The following NAALADL2 variants were observed in gnomAD, a reference collection of about 807,000 sequenced individuals.
NAALADL2 encodes inactive N-acetylated-alpha-linked acidic dipeptidase-like protein 2.
NAALADL2 carries 76 observed loss-of-function variants against 87.2 expected under a neutral mutation model. That is an observed-to-expected ratio of 0.87 (90% CI 0.72 to 1.05). The LOEUF is 1.05. NAALADL2 is among the 50% of genes least tolerant of loss of function. The pLI, the probability that NAALADL2 is intolerant of heterozygous loss-of-function variation, is 0.00. For synonymous variants in NAALADL2, 354 were observed against 331.0 expected, an observed-to-expected ratio of 1.07 and a Z score of -0.75; for missense variants, 1,089 against 945.8, an observed-to-expected ratio of 1.15 and a Z score of -1.99.
intron 6 of NAALADL2, among the ~76,000 whole-genome samples, chr3:175,459,064 C>T (rs1291327325): frequency 1.3e-5 from 2 of 152,076 alleles, no homozygotes. Context: ...ATATACCATG[C>T]TGGACCACAG....
chr3:175,110,091 G>GT (rs1723924573), intron 2 of NAALADL2, among the ~76,000 whole-genome samples: 2 of 151,886 alleles, frequency 1.3e-5, no homozygotes, highest in Admixed American at 1.3e-4. Flanking sequence ...CAGTTATTGT[G>GT]TTTTGGGGCA....
intron 2 of NAALADL2, chr3:174,632,056 T>C (rs527595100): frequency 6.6e-6 from 1 of 152,334 alleles, no homozygotes; most frequent in Non-Finnish European, 1.5e-5. Context: ...TTCAAAGATA[T>C]AAATCTGTAG....
Position 174,610,796 on chromosome 3 carries a change from C to CTT in NAALADL2, c.-115+60159_-115+60160insTT, listed in dbSNP as rs1239241058. Reference sequence around the variant, plus strand: ...TGTAGAACTAGAAATACCATTTGACCCAGCCATCCCATTACTGGGTATATA... The same window carrying CTT: ...TGTAGAACTAGAAATACCATTTGACCTTCAGCCATCCCATTACTGGGTATATA... On this transcript the variant is annotated intron_variant, in intron 2 of 3. Coordinates refer to the NAALADL2 transcript ENST00000434257. Among the ~76,000 whole-genome samples the CTT allele has an allele frequency of 1.7e-4, 26 of 152,184 alleles. No homozygotes were observed. The East Asian group carries it at 4.3e-3, about 25-fold the overall frequency.
At chr3:175,752,599 C>T (rs1583113895) in intron 12 of NAALADL2, among the ~76,000 whole-genome samples, 2 of 152,242 alleles carry the variant, frequency 1.3e-5, no homozygotes, top group East Asian at 3.9e-4. Flanking sequence ...TTTGTAACCT[C>T]ATACACTTGA....
intron 2 of NAALADL2, among the ~76,000 whole-genome samples, chr3:174,613,599 G>A (rs1720156285): frequency 6.6e-6 from 1 of 152,162 alleles, no homozygotes; most frequent in South Asian, 2.1e-4. Flanking sequence ...CCAGGCTACT[G>A]CTGATGTTCC....
At chr3:174,887,492 A>G (rs965017256) in intron 1 of NAALADL2, among the ~76,000 whole-genome samples, 3 of 152,120 alleles carry the variant, frequency 2.0e-5, no homozygotes, top group African/African-American at 7.2e-5. Flanking sequence ...TGACATACTC[A>G]TCTATTAAGT....
In NAALADL2 at chr3:175,068,138, A is replaced by T. The variant is rs145815532; in HGVS notation, c.44-28652A>T. Among the ~76,000 whole-genome samples, 17 of 152,168 alleles carry T rather than the reference A, an allele frequency of 1.1e-4. No homozygotes were observed. The East Asian group carries it at 2.9e-3, about 26-fold the overall frequency. On this transcript the variant is annotated intron_variant, in intron 1 of 13. Transcript: ENST00000454872. ...AAGGCTGAAAAACTACCTTTTGGGT[A>T]CTGTGTTCACTACCTGGATGTTGGG... is the stretch of plus-strand genomic sequence containing the variant.
intron 1 of NAALADL2, among the ~76,000 whole-genome samples, chr3:174,513,150 C>G (rs1719716665): frequency 6.6e-6 from 1 of 151,894 alleles, no homozygotes; most frequent in Admixed American, 6.6e-5. Flanking sequence ...TTGGTAGAGA[C>G]AGGGTTCCTC....
At chr3:174,611,358 A>G (rs980543990) in intron 2 of NAALADL2, among the ~76,000 whole-genome samples, 5 of 152,178 alleles carry the variant, frequency 3.3e-5, no homozygotes, top group Non-Finnish European at 7.3e-5. Context: ...AAACTAATAC[A>G]CACTCTACAA....
chr3:174,850,026 G>T (rs1439744410), intron 3 of NAALADL2, among the ~76,000 whole-genome samples: 1 of 151,992 alleles, frequency 6.6e-6, no homozygotes, highest in African/African-American at 2.4e-5. Context: ...ATTGTTGCTT[G>T]TTAACATACA....
chr3:175,197,692 T>C (rs1421289205), intron 2 of NAALADL2, among the ~76,000 whole-genome samples: 2 of 151,942 alleles, frequency 1.3e-5, no homozygotes. Flanking sequence ...CTTATCAACA[T>C]CAGAAACATA....
At position 174,579,489 on chromosome 3, in the gene NAALADL2, A is replaced by C. The variant is rs1334762696; in HGVS notation, c.-115+28852A>C. On this transcript the variant is annotated intron_variant, in intron 2 of 3. Coordinates refer to the NAALADL2 transcript ENST00000434257. ...TATATTGTCTACTTCCATTTATTTG[A>C]AATTATAGAATGTGCAGAGCTAATC... 1.4e-4 allele frequency among the ~76,000 whole-genome samples: 21 copies of C among 152,176 alleles called. No homozygotes were observed. The East Asian group carries it at 3.9e-3, about 28-fold the overall frequency.
chr3:175,476,339 CCT>C (rs758173495), intron 9 of NAALADL2, among the ~76,000 whole-genome samples: 3 of 151,970 alleles, frequency 2.0e-5, no homozygotes, highest in African/African-American at 2.4e-5. Flanking sequence ...ATGAAATGCC[CCT>C]GTTGCCCAGG....
chr3:175,304,687 G>A (rs528544678), intron 4 of NAALADL2, among the ~76,000 whole-genome samples: 48 of 152,234 alleles, frequency 3.2e-4, no homozygotes, highest in African/African-American at 9.4e-4. Context: ...CTAGGGACAT[G>A]GTCAAACTAC....
intron 2 of NAALADL2, among the ~76,000 whole-genome samples, chr3:174,634,684 C>G (rs1390468885): frequency 6.6e-6 from 1 of 152,152 alleles, no homozygotes; most frequent in East Asian, 1.9e-4. Flanking sequence ...TAAAGTGGAC[C>G]AATGACTAGA....
In NAALADL2 at chr3:174,600,084, C is replaced by CA. The variant is rs1012844526; in HGVS notation, c.-115+49455dup. ...ATTCTTTATAGTATTCTATTTTTTT[C>CA]AAAAAAAACTAATCCTTTATAATAT... is the stretch of plus-strand genomic sequence containing the variant. On this transcript the variant is annotated intron_variant, in intron 2 of 3. Coordinates refer to the NAALADL2 transcript ENST00000434257. 7.3e-5 allele frequency among the ~76,000 whole-genome samples: 11 copies of CA among 151,164 alleles called. No individual in the cohort carries two copies. The East Asian group carries it at 1.4e-3, about 19-fold the overall frequency.
At chr3:175,366,403 T>C (rs1010981042) in intron 5 of NAALADL2, among the ~76,000 whole-genome samples, 13 of 152,002 alleles carry the variant, frequency 8.6e-5, no homozygotes, top group African/African-American at 3.1e-4. Context: ...CAAATGGTAT[T>C]TCTAGTTCTA....
intron 9 of NAALADL2, among the ~76,000 whole-genome samples, chr3:175,548,677 T>C (rs1430771221): frequency 6.6e-6 from 1 of 152,040 alleles, no homozygotes. Context: ...CCTTTATCCC[T>C]ATGAAAGACA....
intron 3 of NAALADL2, among the ~76,000 whole-genome samples, chr3:174,764,051 G>C (rs1240237823): frequency 1.3e-5 from 2 of 152,176 alleles, no homozygotes; most frequent in African/African-American, 4.8e-5. Context: ...GTGATTCAGA[G>C]AGATTGAAAG....
Sources: allele counts gnomAD v4.1 joint callset (sites outside exome capture counted in the v4.1 genomes callset), GRCh38; gene constraint gnomAD v4.1.1; transcripts MANE v1.5; gene names NCBI Gene and HGNC (gene_info 2026-07-23, HGNC 2026-07-21).